The following SMARCA1 variants were observed in gnomAD, a reference collection of about 807,000 sequenced individuals.
SMARCA1 encodes the protein SNF2 related chromatin remodeling ATPase 1, also known as SWI/SNF-related matrix-associated actin-dependent regulator of chromatin subfamily A member 1.
A neutral mutation model predicts 93.6 loss-of-function variants in SMARCA1; 17 were observed. The observed-to-expected ratio is 0.18, with a 90% CI of 0.12 to 0.27. The LOEUF is 0.27. SMARCA1 is among the 10% of genes least tolerant of loss of function. The probability of loss-of-function intolerance (pLI) is 1.00; values close to 1 mark genes in which losing one functional copy is unlikely to be tolerated. For missense variants in SMARCA1, 630 were observed against 819.0 expected, an observed-to-expected ratio of 0.77 and a Z score of 2.82; for synonymous variants, 271 against 271.4, an observed-to-expected ratio of 1.00 and a Z score of 0.01.
intron 12 of SMARCA1, among the ~76,000 whole-genome samples, chrX:129,494,377 A>C (rs5977093): frequency 0.018 from 1,972 of 111,684 alleles, 41 homozygotes; most frequent in African/African-American, 0.061. Context: ...AGAGTGAAAA[A>C]ACTATAGCAC....
chrX:129,492,104 T>C lies in SMARCA1; in HGVS notation c.1663-11A>G, dbSNP rs1338209478. ...AGCCTCTATTGCTTCCTTTATTTTT[T>C]ATTGATAAAGGGATAGAAGAAAAAG... is the stretch of plus-strand genomic sequence containing the variant. On this transcript the variant is annotated splice_polypyrimidine_tract_variant and intron_variant, in intron 13 of 24. Transcript: ENST00000371121. The C allele has an allele frequency of 3.7e-6, 4 of 1,076,525 alleles. No homozygotes were observed. Among genetic ancestry groups the C allele is most frequent in the Non-Finnish European group, 5.1e-6 (4 of 780,877 alleles). 88.7% of individuals were successfully genotyped at this position (1,076,525 alleles called of 1,213,427 possible). A position where few individuals can be genotyped will look rare whatever the true frequency, so the allele number is the denominator to read the frequency against.
Position 129,447,436 on chromosome X carries a change from A to G in SMARCA1, c.3142-203T>C, listed in dbSNP as rs138985955. The G allele has an allele frequency of 7.6e-3, 2,534 of 335,163 alleles. 70 individuals are homozygous for G. The highest frequency in any genetic ancestry group is 0.061 in the African/African-American group (2,254 of 36,698). The allele number at this position is 335,163 out of a possible 1,213,427, so 27.6% of individuals were successfully genotyped here. ...ATAACCTTCAAAGATGTTTCTTTTT[A>G]TGAAAAGACATAAAATACCCATCAA... On this transcript the variant is annotated intron_variant, in intron 24 of 24. Coordinates refer to ENST00000371121, the MANE Select transcript of SMARCA1 (RefSeq NM_001282874.2).
rs1414848647 is a variant in SMARCA1, at chrX:129,471,241, G to C, written c.2528C>G (p.Pro843Arg). Residue 843 changes from proline to arginine, a missense_variant, in exon 20 of 25, where the codon CCA becomes CGA. Pro to Arg is a moderately radical substitution (Grantham distance 103, BLOSUM62 -2). Around this residue, in one of 4 missense-constraint regions of SMARCA1, gnomAD observed 52 missense variants for 38.3 expected, o/e 1.36. Coordinates refer to ENST00000371121, the MANE Select transcript of SMARCA1 (RefSeq NM_001282874.2). ...KKIDGAEPLT[P>R]EETEEKEKLL... is the part of the protein sequence containing the mutation. ...TTTTTCCTTTTCTTCAGTCTCTTCT[G>C]GTGTAAGAGGTTCAGCTCCATCAAT... 2 of 1,198,448 alleles carry C rather than the reference G, an allele frequency of 1.7e-6. No homozygotes were observed. Among genetic ancestry groups the C allele is most frequent in the East Asian group, 5.9e-5 (2 of 33,615 alleles).
chrX:129,508,129 A>G, intron 6 of SMARCA1, 33 bp from the exon 7 acceptor site: 1 of 826,027 alleles, frequency 1.2e-6, no homozygotes, highest in Non-Finnish European at 1.7e-6. Flanking sequence ...ATATTAGAAT[A>G]TATTTATATT....
intron 23 of SMARCA1, among the ~76,000 whole-genome samples, chrX:129,451,946 A>G (rs938025553): frequency 1.8e-5 from 2 of 111,317 alleles, no homozygotes; most frequent in South Asian, 3.8e-4. Context: ...CTTGTGATCC[A>G]CCCACCTTGG....
chrX:129,489,795 G>A (rs2124273326), intron 15 of SMARCA1, among the ~76,000 whole-genome samples: 1 of 111,976 alleles, frequency 8.9e-6, no homozygotes, highest in Non-Finnish European at 1.9e-5. Context: ...CTGATCTCAG[G>A]TGATCCACCC....
chrX:129,471,078 A>AAT (rs1256231448), intron 20 of SMARCA1, 126 bp downstream of exon 20: 2 of 460,029 alleles, frequency 4.3e-6, no homozygotes, highest in Admixed American at 9.0e-5. Flanking sequence ...ATGTTTACAA[A>AAT]ATAGCCCTGA....
intron 23 of SMARCA1, among the ~76,000 whole-genome samples, chrX:129,462,000 A>G (rs775133419): frequency 9.8e-5 from 11 of 112,002 alleles, no homozygotes; most frequent in Non-Finnish European, 1.7e-4. Context: ...AGTGAGGCAT[A>G]TTTAGAAGCG....
intron 5 of SMARCA1, among the ~76,000 whole-genome samples, chrX:129,514,611 C>A (rs1322081126): frequency 8.9e-6 from 1 of 111,961 alleles, no homozygotes; most frequent in Non-Finnish European, 1.9e-5. Context: ...ACCTTATTCC[C>A]AAAAGGATTT....
intron 9 of SMARCA1, among the ~76,000 whole-genome samples, chrX:129,500,402 G>A (rs1377619502): frequency 5.3e-5 from 6 of 112,304 alleles, no homozygotes; most frequent in South Asian, 3.7e-4. Flanking sequence ...TCCTGACCCC[G>A]TGATCCACCC....
Position 129,487,079 on chromosome X carries a change from C to T in SMARCA1, c.2156G>A (p.Arg719Lys), listed in dbSNP as rs1483660352. 1.7e-6 allele frequency: 2 copies of T among 1,164,327 alleles called. No homozygotes were observed. Among genetic ancestry groups the T allele is most frequent in the Non-Finnish European group, 2.3e-6 (2 of 857,563 alleles). ...GTATAAACTTTGTTCAATGTCCATT[C>T]TAAAATTTCTTAGAGAAGACTCTCC... is the stretch of plus-strand genomic sequence containing the variant. Reference protein sequence around the residue: ...KMGESSLRNFRMDIEQSLYKF... With the variant: ...KMGESSLRNFKMDIEQSLYKF... Residue 719 changes from arginine to lysine, a missense_variant, in exon 17 of 25, where the codon AGA (arginine) becomes AAA (lysine). Arg to Lys is a conservative substitution (Grantham distance 26). Around this residue, in one of 4 missense-constraint regions of SMARCA1, gnomAD observed 382 missense variants for 537.9 expected, o/e 0.71. Transcript: ENST00000371121.
chrX:129,500,230 C>T (rs987662095), intron 9 of SMARCA1, among the ~76,000 whole-genome samples: 14 of 111,940 alleles, frequency 1.3e-4, no homozygotes, highest in Non-Finnish European at 3.8e-5. Flanking sequence ...TGCAATGGCA[C>T]AATCTCGGCT....
At chrX:129,477,289 T>C (rs777558733) in intron 19 of SMARCA1, among the ~76,000 whole-genome samples, 1 of 111,829 alleles carries the variant, frequency 8.9e-6, no homozygotes, top group South Asian at 3.7e-4. Context: ...GCGTGGCGGC[T>C]CACACCTGTA....
intron 21 of SMARCA1, among the ~76,000 whole-genome samples, chrX:129,466,580 G>A (rs1932913410): frequency 9.0e-6 from 1 of 110,936 alleles, no homozygotes; most frequent in East Asian, 2.8e-4. Flanking sequence ...GCTTGAACCC[G>A]GAAAGTGGAG....
chrX:129,520,682 T>G (rs935856003), intron 1 of SMARCA1, among the ~76,000 whole-genome samples: 1 of 111,235 alleles, frequency 9.0e-6, no homozygotes, highest in South Asian at 3.9e-4. Flanking sequence ...ATTCTTGGTG[T>G]GCACGTGTCA....
chrX:129,456,773 A>G (rs760505930), intron 23 of SMARCA1, among the ~76,000 whole-genome samples: 3 of 112,069 alleles, frequency 2.7e-5, no homozygotes, highest in Admixed American at 9.5e-5. Flanking sequence ...CAATTTCATG[A>G]TAAAACTTGA....
At chrX:129,483,916 C>T (rs1933788285) in intron 17 of SMARCA1, among the ~76,000 whole-genome samples, 1 of 111,671 alleles carries the variant, frequency 9.0e-6, no homozygotes. Context: ...TTCACTTCTC[C>T]TCAAAAGATA....
intron 23 of SMARCA1, among the ~76,000 whole-genome samples, chrX:129,460,157 T>A: frequency 9.0e-6 from 1 of 110,730 alleles, no homozygotes; most frequent in Admixed American, 9.6e-5. Flanking sequence ...AAAAAAAAAA[T>A]TTAATAAGAA....
rs755550220 is a variant in SMARCA1, at chrX:129,511,988, A to G, written c.631-5T>C. On this transcript the variant is annotated splice_polypyrimidine_tract_variant and splice_region_variant and intron_variant, in intron 5 of 24. Transcript: ENST00000371121. Reference sequence around the variant, plus strand: ...TTGTAAAGTTTTCCCAAGGCCCTGCATTATCATCACAAGGAAAAAAATCCA... The same window carrying G: ...TTGTAAAGTTTTCCCAAGGCCCTGCGTTATCATCACAAGGAAAAAAATCCA... The G allele has an allele frequency of 2.6e-6, 3 of 1,165,332 alleles. No individual in the cohort carries two copies. Among genetic ancestry groups the G allele is most frequent in the Non-Finnish European group, 3.5e-6 (3 of 869,461 alleles).
Sources: gnomAD v4.1 joint callset for allele counts (sites outside exome capture counted in the v4.1 genomes callset) on GRCh38, gnomAD v4.1.1 for gene constraint, gnomAD v4.1.1 regional missense constraint, MANE v1.5 for transcripts, NCBI Gene and HGNC (gene_info 2026-07-23, HGNC 2026-07-21) for gene names.